NAV3: variants seen among roughly 807,000 people sequenced by gnomAD.
The protein encoded by NAV3 is pore membrane and/or filament interacting like protein 1.
In NAV3, 87 loss-of-function variants were observed where a neutral mutation model predicts 244.7. The observed-to-expected ratio is 0.36, with a 90% CI of 0.30 to 0.42. NAV3 has a LOEUF of 0.42. Ranked by LOEUF, NAV3 falls within the 20% of genes least tolerant of loss-of-function variation. NAV3 has a pLI of 1.00. For synonymous variants in NAV3, 1,126 were observed against 1,042.2 expected, an observed-to-expected ratio of 1.08 and a Z score of -1.55; for missense variants, 2,663 against 2,893.3, an observed-to-expected ratio of 0.92 and a Z score of 1.83.
chr12:77,660,554 A>G (rs1565758892), intron 2 of NAV3, among the ~76,000 whole-genome samples: 1 of 152,164 alleles, frequency 6.6e-6, no homozygotes, highest in Non-Finnish European at 1.5e-5. Flanking sequence ...AAACCACAAA[A>G]TTCACTATTA....
chr12:77,727,051 G>C (rs17044183), intron 2 of NAV3, among the ~76,000 whole-genome samples: 1 of 151,928 alleles, frequency 6.6e-6, no homozygotes, highest in Non-Finnish European at 1.5e-5. Context: ...AATGAAGATA[G>C]CAGAAGGAGA....
In NAV3 at chr12:78,179,511, G is replaced by T. The variant is rs1593929515; in HGVS notation, c.5364-18G>T. On this transcript the variant is annotated intron_variant, in intron 28 of 39. Transcript: ENST00000397909. Reference sequence around the variant, plus strand: ...CTGGCTTCCCCAGGCCACTGATTCTGTTTGTTTCCTTCTTCAGGATCTGTG... The same window carrying T: ...CTGGCTTCCCCAGGCCACTGATTCTTTTTGTTTCCTTCTTCAGGATCTGTG... 2 of 1,612,662 alleles carry T rather than the reference G, an allele frequency of 1.2e-6. No homozygotes were observed. The highest frequency in any genetic ancestry group is 2.2e-5 in the East Asian group (1 of 44,742).
chr12:78,188,740 T>C lies in NAV3; in HGVS notation c.6018T>C (p.Leu2006=). Residue 2006 remains leucine (L), a synonymous_variant, in exon 33 of 40, where the codon CTT becomes CTC. Transcript: ENST00000397909. ...EVPELLPCGY[L]VGDNNIITVN... ...CTGAATTGCTGCCTTGTGGATACCTTGTTGGAGATAATAACATCATCACTG... is the reference window on the plus strand; with the variant it reads ...CTGAATTGCTGCCTTGTGGATACCTCGTTGGAGATAATAACATCATCACTG... The C allele has an allele frequency of 1.2e-6, 2 of 1,612,224 alleles. No individual in the cohort carries two copies. Among genetic ancestry groups the C allele is most frequent in the Non-Finnish European group, 1.7e-6 (2 of 1,178,836 alleles).
intron 7 of NAV3, among the ~76,000 whole-genome samples, chr12:78,002,826 T>C (rs1209855699): frequency 1.3e-5 from 2 of 151,938 alleles, no homozygotes; most frequent in Non-Finnish European, 1.5e-5. Context: ...TGTGTAAATA[T>C]ATGTATATAT....
At chr12:77,935,756 A>G (rs1889262344) in intron 1 of NAV3, among the ~76,000 whole-genome samples, 1 of 152,198 alleles carries the variant, frequency 6.6e-6, no homozygotes, top group Admixed American at 6.5e-5. Flanking sequence ...CAAAGGTAGC[A>G]TGGCTGGGGA....
At chr12:77,990,395 T>A (rs1436875297) in intron 5 of NAV3, among the ~76,000 whole-genome samples, 1 of 152,210 alleles carries the variant, frequency 6.6e-6, no homozygotes, top group Non-Finnish European at 1.5e-5. Context: ...AAAGTAATCC[T>A]GACAAATGAA....
chr12:77,692,531 G>A (rs1419403650), intron 2 of NAV3, among the ~76,000 whole-genome samples: 1 of 152,020 alleles, frequency 6.6e-6, no homozygotes, highest in Non-Finnish European at 1.5e-5. Context: ...GTATGATACA[G>A]TAAACCTCGC....
chr12:77,796,822 G>A (rs1245151479), intron 2 of NAV3, among the ~76,000 whole-genome samples: 2 of 149,602 alleles, frequency 1.3e-5, no homozygotes, highest in Non-Finnish European at 3.0e-5. Context: ...AAGACTTTTA[G>A]CAATAAAGTA....
At chr12:77,682,601 T>G (rs1251277072) in intron 2 of NAV3, among the ~76,000 whole-genome samples, 1 of 152,194 alleles carries the variant, frequency 6.6e-6, no homozygotes, top group Non-Finnish European at 1.5e-5. Context: ...GAGGCTGTAC[T>G]AATGTACATT....
intron 2 of NAV3, among the ~76,000 whole-genome samples, chr12:77,657,985 A>G (rs1368607360): frequency 3.3e-5 from 5 of 151,548 alleles, no homozygotes; most frequent in Admixed American, 1.3e-4. Flanking sequence ...TCTATGACAA[A>G]CCCACAGCCA....
chr12:77,592,063 GCA>G (rs1418039933), intron 2 of NAV3, among the ~76,000 whole-genome samples: 2 of 151,424 alleles, frequency 1.3e-5, no homozygotes, highest in African/African-American at 4.9e-5. Context: ...AGCTTCGTTC[GCA>G]CAGTGTCTGA....
At chr12:78,074,517 A>G (rs1353305355) in intron 12 of NAV3, among the ~76,000 whole-genome samples, 1 of 152,130 alleles carries the variant, frequency 6.6e-6, no homozygotes, top group East Asian at 1.9e-4. Context: ...AGCCTGGCCA[A>G]GATGGTGAAA....
intron 23 of NAV3, among the ~76,000 whole-genome samples, chr12:78,167,462 T>C (rs962935675): frequency 8.6e-5 from 13 of 151,546 alleles, no homozygotes; most frequent in African/African-American, 1.7e-4. Flanking sequence ...AAAATAGATA[T>C]ATGAGGTGCC....
Position 77,587,096 on chromosome 12 carries a change from A to G in NAV3, c.72+14830A>G, listed in dbSNP as rs142718301. 2.0e-4 allele frequency among the ~76,000 whole-genome samples: 30 copies of G among 152,324 alleles called. No individual in the cohort carries two copies. In the East Asian group the frequency reaches 4.2e-3, roughly 22 times the overall value. Reference sequence around the variant, plus strand: ...AACTTAAGAAGTATATACACAAGCAATGAATGAGATAATCAGTTTTGCATC... The same window carrying G: ...AACTTAAGAAGTATATACACAAGCAGTGAATGAGATAATCAGTTTTGCATC... On this transcript the variant is annotated intron_variant, in intron 2 of 8. Coordinates refer to the NAV3 transcript ENST00000550042.
chr12:77,762,806 G>A (rs1008073894), intron 2 of NAV3, among the ~76,000 whole-genome samples: 3 of 151,976 alleles, frequency 2.0e-5, no homozygotes, highest in Non-Finnish European at 4.4e-5. Flanking sequence ...GAAAAAGGTA[G>A]TAATGTTGTT....
chr12:77,903,842 A>G (rs1170416551), intron 1 of NAV3, among the ~76,000 whole-genome samples: 1 of 152,220 alleles, frequency 6.6e-6, no homozygotes, highest in Non-Finnish European at 1.5e-5. Flanking sequence ...AAGGATATGA[A>G]CAGGCACTTC....
intron 2 of NAV3, among the ~76,000 whole-genome samples, chr12:77,602,347 G>A (rs1870473348): frequency 6.6e-6 from 1 of 151,940 alleles, no homozygotes; most frequent in East Asian, 1.9e-4. Flanking sequence ...AGATGGAGGA[G>A]GTAGAACAGA....
intron 2 of NAV3, among the ~76,000 whole-genome samples, chr12:77,779,247 A>G (rs554677582): frequency 2.0e-5 from 3 of 152,336 alleles, no homozygotes; most frequent in Non-Finnish European, 2.9e-5. Context: ...ATATAAATCA[A>G]AATTTTGGCT....
intron 1 of NAV3, among the ~76,000 whole-genome samples, chr12:77,848,403 A>G (rs1419386889): frequency 6.6e-6 from 1 of 152,242 alleles, no homozygotes; most frequent in African/African-American, 2.4e-5. Flanking sequence ...GGTTAAGGCA[A>G]TGAATTTTGC....
Sources: allele counts gnomAD v4.1 joint callset (sites outside exome capture counted in the v4.1 genomes callset), GRCh38; gene constraint gnomAD v4.1.1; transcripts MANE v1.5; gene names NCBI Gene and HGNC (gene_info 2026-07-23, HGNC 2026-07-21).